The following CD8B2 variants were observed in gnomAD, a reference collection of about 807,000 sequenced individuals.
The protein encoded by CD8B2 is CD8B family member 2.
CD8B2 carries 11 observed loss-of-function variants against 23.7 expected under a neutral mutation model. The ratio of observed to expected loss-of-function variants is 0.46; its 90% CI spans 0.29 to 0.77. The LOEUF (loss-of-function observed/expected upper bound fraction) is 0.77, where lower values mean the gene tolerates loss of function less well. CD8B2 is among the 30% of genes least tolerant of loss of function. The pLI is 0.09. For synonymous variants in CD8B2, 90 were observed against 109.3 expected (o/e 0.82, Z 1.10); for missense variants, 197 against 270.5 (o/e 0.73, Z 1.91).
In CD8B2 at chr2:106,491,153, C is replaced by T. The variant is rs1440028186; in HGVS notation, c.323C>T (p.Pro108Leu). The change falls in exon 2 of 6, where the codon CCG becomes CTG. Residue 108 changes from proline (P) to leucine (L), a missense_variant. By Grantham distance (98) the Pro-to-Leu change is moderately conservative. Coordinates refer to ENST00000643224, the MANE Select transcript of CD8B2 (RefSeq NM_001349727.2). ...ATTCTCAATCTCACAAGCGTGAAGCCGGAGGACAGTGGCATCTACTTCTGC... is the reference window on the plus strand; with the variant it reads ...ATTCTCAATCTCACAAGCGTGAAGCTGGAGGACAGTGGCATCTACTTCTGC... ...RFILNLTSVKPEDSGIYFCMI... is the reference protein window; with the variant it reads ...RFILNLTSVKLEDSGIYFCMI... The T allele has an allele frequency of 2.0e-5, 32 of 1,613,834 alleles. No homozygotes were observed. The highest frequency in any genetic ancestry group is 6.6e-5 in the South Asian group (6 of 91,080).
At position 106,507,102 on chromosome 2, in the gene CD8B2, C is replaced by A. The variant is rs997472696; in HGVS notation, c.*162C>A. On this transcript the variant is annotated 3_prime_UTR_variant, in exon 6 of 6. Coordinates refer to ENST00000643224, the MANE Select transcript of CD8B2 (RefSeq NM_001349727.2). ...GCAAGGCCTTTCTGTGTGTGACGTG[C>A]ATGGGAGCAACTTGTTTGTGGGTCA... 3 of 1,504,442 alleles carry A rather than the reference C, an allele frequency of 2.0e-6. No individual in the cohort carries two copies. Among genetic ancestry groups the A allele is most frequent in the Admixed American group, 4.6e-5 (2 of 43,700 alleles). 93.2% of individuals were successfully genotyped at this position (1,504,442 alleles called of 1,614,324 possible).
At chr2:106,494,527 C>T (rs1250707547) in intron 2 of CD8B2, among the ~76,000 whole-genome samples, 1 of 151,722 alleles carries the variant, frequency 6.6e-6, no homozygotes, top group African/African-American at 2.4e-5. Flanking sequence ...TGTCTCCTTA[C>T]TCCCTCTCCT....
chr2:106,534,571 G>C (rs1680057609), intron 5 of CD8B2, among the ~76,000 whole-genome samples: 2 of 152,100 alleles, frequency 1.3e-5, no homozygotes, highest in African/African-American at 4.8e-5. Flanking sequence ...TGCTGAACTG[G>C]TGAATTTGAC....
chr2:106,496,403 G>A (rs1309852108), intron 3 of CD8B2, 141 bp downstream of exon 3: 1 of 1,374,996 alleles, frequency 7.3e-7, no homozygotes, highest in Admixed American at 2.8e-5. Context: ...GGGTCAGAAA[G>A]GATGCTGAGT....
At position 106,495,557 on chromosome 2, in the gene CD8B2, A is replaced by T. The variant is rs184458388; in HGVS notation, c.404-616A>T. On this transcript the variant is annotated intron_variant, in intron 2 of 5. Transcript: ENST00000643224. Reference sequence around the variant, plus strand: ...TTGTCTCAAAAAATAAATAAATAAAAAAATAAAAATAAATAAATCAGAGGT... The same window carrying T: ...TTGTCTCAAAAAATAAATAAATAAATAAATAAAAATAAATAAATCAGAGGT... 6.9e-3 allele frequency among the ~76,000 whole-genome samples: 1,058 copies of T among 152,254 alleles called. 29 individuals carry two copies. Among genetic ancestry groups the T allele is most frequent in the Admixed American group, 0.04 (610 of 15,278 alleles).
intron 5 of CD8B2, among the ~76,000 whole-genome samples, chr2:106,526,843 T>C (rs990198666): frequency 7.2e-5 from 11 of 152,182 alleles, no homozygotes; most frequent in Non-Finnish European, 1.0e-4. Flanking sequence ...GGTTTCACCA[T>C]GTTGGCCAGG....
intron 5 of CD8B2, among the ~76,000 whole-genome samples, chr2:106,538,502 A>G (rs894748424): frequency 6.6e-6 from 1 of 152,158 alleles, no homozygotes; most frequent in African/African-American, 2.4e-5. Context: ...CCATGTTGTA[A>G]TAAGGGTGAC....
chr2:106,534,823 A>ATGTT (rs10654782), intron 5 of CD8B2, among the ~76,000 whole-genome samples: 149,821 of 151,946 alleles, frequency 0.99, 73,893 homozygotes, highest in East Asian at 1. Context: ...TTGAGACCTA[A>ATGTT]TGTTTGTTTG....
intron 5 of CD8B2, among the ~76,000 whole-genome samples, chr2:106,538,609 ATTCCTGTCTGTAACACCC>A (rs1376554641): frequency 6.6e-6 from 1 of 152,122 alleles, no homozygotes; most frequent in Non-Finnish European, 1.5e-5. Flanking sequence ...CTGAGTAGGA[ATTCCTGTCTGTAACACCC>A]TTCCCCACCT....
intron 5 of CD8B2, among the ~76,000 whole-genome samples, chr2:106,533,755 G>T (rs973767735): frequency 1.3e-5 from 2 of 152,202 alleles, no homozygotes; most frequent in East Asian, 1.9e-4. Flanking sequence ...GCCCAGGTAA[G>T]TCCTACCCTT....
intron 4 of CD8B2, 125 bp from the exon 5 acceptor site, chr2:106,504,164 G>A (rs1679461865): frequency 1.1e-5 from 13 of 1,193,006 alleles, no homozygotes; most frequent in Non-Finnish European, 1.4e-5. Context: ...GTTTGGGCCA[G>A]GGTCTGGGAC....
At chr2:106,534,762 C>T (rs1680060149) in intron 5 of CD8B2, among the ~76,000 whole-genome samples, 2 of 152,156 alleles carry the variant, frequency 1.3e-5, no homozygotes, top group African/African-American at 4.8e-5. Flanking sequence ...GTAGGAGCTA[C>T]AGTTCAAAAC....
intron 5 of CD8B2, among the ~76,000 whole-genome samples, chr2:106,505,858 C>T (rs542063806): frequency 4.6e-5 from 7 of 152,254 alleles, no homozygotes; most frequent in South Asian, 4.1e-4. Flanking sequence ...AGGCCGGGTG[C>T]GGTGGCTCAA....
intron 5 of CD8B2, among the ~76,000 whole-genome samples, chr2:106,534,795 T>G (rs1324655148): frequency 6.7e-6 from 1 of 148,734 alleles, no homozygotes; most frequent in Non-Finnish European, 1.5e-5. Flanking sequence ...TATATATTTT[T>G]AAAATTGAGA....
intron 3 of CD8B2, among the ~76,000 whole-genome samples, chr2:106,500,476 G>A (rs1679383853): frequency 6.6e-6 from 1 of 151,110 alleles, no homozygotes. Context: ...CCCAGATCTC[G>A]CCATTGCACT....
chr2:106,534,273 A>C (rs1347176662), intron 5 of CD8B2, among the ~76,000 whole-genome samples: 1 of 152,212 alleles, frequency 6.6e-6, no homozygotes, highest in Non-Finnish European at 1.5e-5. Flanking sequence ...AGCAAGGAAG[A>C]GGCGGGGAGA....
intron 5 of CD8B2, among the ~76,000 whole-genome samples, chr2:106,536,317 C>T (rs1026503275): frequency 6.6e-6 from 1 of 152,162 alleles, no homozygotes; most frequent in Non-Finnish European, 1.5e-5. Context: ...CAGCCATGAA[C>T]CACTGCGCCT....
chr2:106,538,619 G>C (rs1176104642), intron 5 of CD8B2, among the ~76,000 whole-genome samples: 1 of 152,094 alleles, frequency 6.6e-6, no homozygotes, highest in African/African-American at 2.4e-5. Context: ...ATTCCTGTCT[G>C]TAACACCCTT....
rs1163580088 is a variant in CD8B2, at chr2:106,510,476, C to T, written c.*3536C>T. On this transcript the variant is annotated 3_prime_UTR_variant, in exon 6 of 6. Transcript: ENST00000643224. ...TGGGATTACAGCTCATGCCTGTAATCCCAGTACTTTGGGAGGCCCACACAG... is the reference window on the plus strand; with the variant it reads ...TGGGATTACAGCTCATGCCTGTAATTCCAGTACTTTGGGAGGCCCACACAG... The T allele has an allele frequency of 6.6e-6, 1 of 152,176 alleles. No homozygotes were observed. The highest frequency in any genetic ancestry group is 1.9e-4 in the East Asian group (1 of 5,196). The allele number at this position is 152,176 out of a possible 1,614,324, so 9.4% of individuals were successfully genotyped here. A position where few individuals can be genotyped will look rare whatever the true frequency, so the allele number is the denominator to read the frequency against.
Sources: gnomAD v4.1 joint callset for allele counts (sites outside exome capture counted in the v4.1 genomes callset) on GRCh38, gnomAD v4.1.1 for gene constraint, MANE v1.5 for transcripts, NCBI Gene and HGNC (gene_info 2026-07-23, HGNC 2026-07-21) for gene names.